PTPN3: variants seen among roughly 807,000 people sequenced by gnomAD.
PTPN3 encodes the protein tyrosine-protein phosphatase non-receptor type 3.
Under a neutral mutation model 132.7 loss-of-function variants are expected in PTPN3, and 96 were observed. That is an observed-to-expected ratio of 0.72 (90% confidence interval 0.61 to 0.86). PTPN3 has a LOEUF of 0.86. Ranked by LOEUF, PTPN3 falls within the 40% of genes least tolerant of loss-of-function variation. The pLI is 0.00. For missense variants in PTPN3, 1,125 were observed against 1,159.6 expected (o/e 0.97, Z 0.43); for synonymous variants, 398 against 429.0 (o/e 0.93, Z 0.89).
Position 109,427,056 on chromosome 9 carries a change from T to C in PTPN3, c.895A>G (p.Lys299Glu). 2 of 1,614,096 alleles carry C rather than the reference T, an allele frequency of 1.2e-6. No homozygotes were observed. The highest frequency in any genetic ancestry group is 1.7e-6 in the Non-Finnish European group (2 of 1,179,932). The part of the protein sequence containing the change: ...LNYRSCKNLW[K>E]SCVEHHTFFQ... ...AACGTATGGTGCTCAACACAGGATT[T>C]CCACAAGTTTTTGCAAGATCGGTAA... The change falls in exon 12 of 26, where the codon AAA becomes GAA. Residue 299 changes from lysine to glutamate, a missense_variant. Transcript: ENST00000374541.
At position 109,376,084 on chromosome 9, in the gene PTPN3, T is replaced by C. The variant is rs1838534643; in HGVS notation, c.*3472A>G. 1 of 152,196 alleles carries C rather than the reference T, an allele frequency of 6.6e-6. No individual in the cohort carries two copies. Among genetic ancestry groups the C allele is most frequent in the Admixed American group, 6.5e-5 (1 of 15,282 alleles). The allele number at this position is 152,196 out of a possible 1,614,324, so 9.4% of individuals were successfully genotyped here. The stretch of plus-strand genomic sequence containing the variant: ...TGACAAGTCTCAGAAATGTGACATG[T>C]CTCTGTAGCAGCCATAAAGCTTTGG... On this transcript the variant is annotated 3_prime_UTR_variant, in exon 26 of 26. Transcript: ENST00000374541.
At chr9:109,406,009 G>A (rs959238276) in intron 18 of PTPN3, among the ~76,000 whole-genome samples, 3 of 152,210 alleles carry the variant, frequency 2.0e-5, no homozygotes, top group Non-Finnish European at 4.4e-5. Context: ...CCAGCCCGCA[G>A]AGGCAGAGTG....
chr9:109,465,204 T>C (rs1846036880), intron 1 of PTPN3, among the ~76,000 whole-genome samples: 1 of 152,134 alleles, frequency 6.6e-6, no homozygotes. Context: ...GGTGGAGAGG[T>C]AGGCAAAAAG....
chr9:109,497,123 T>C (rs1452394921), intron 1 of PTPN3, among the ~76,000 whole-genome samples: 2 of 152,176 alleles, frequency 1.3e-5, no homozygotes, highest in African/African-American at 4.8e-5. Flanking sequence ...TAAATTGTTT[T>C]TCCGAAGGCC....
chr9:109,422,723 G>T lies in PTPN3; in HGVS notation c.1131C>A (p.Pro377=), dbSNP rs1375953813. 3.1e-6 allele frequency: 5 copies of T among 1,606,558 alleles called. No individual in the cohort carries two copies. The highest frequency in any genetic ancestry group is 1.7e-4 in the Middle Eastern group (1 of 6,006). ...AAAAAAAAAGGAGGACATACCAGTT[G>T]GGAGTAATGGGAGGGGAACGAGAAG... is the stretch of plus-strand genomic sequence containing the variant. The part of the protein sequence containing the change: ...SLPSRSPPIT[P]NWRSPRLRHE... The change falls in exon 13 of 26, where the codon CCC becomes CCA. Residue 377 remains proline, a synonymous_variant. Coordinates refer to ENST00000374541, the MANE Select transcript of PTPN3 (RefSeq NM_002829.4).
At chr9:109,422,878 T>C (rs1327484416) in intron 12 of PTPN3, 26 bp from the exon 13 acceptor site, 2 of 1,607,418 alleles carry the variant, frequency 1.2e-6, no homozygotes, top group African/African-American at 2.7e-5. Flanking sequence ...CAGGTTCACT[T>C]TCTACACTGA....
chr9:109,533,778 G>T, the PTPN3 span: 3 of 1,266,830 alleles, frequency 2.4e-6, no homozygotes, highest in Non-Finnish European at 3.3e-6. Context: ...TAGGGCCGGC[G>T]TGGTTGAGCC....
chr9:109,462,299 C>T (rs1845882603), intron 2 of PTPN3, among the ~76,000 whole-genome samples: 2 of 152,258 alleles, frequency 1.3e-5, no homozygotes, highest in Admixed American at 1.3e-4. Flanking sequence ...TGCTAAAACT[C>T]CACGCAAACT....
At chr9:109,502,835 G>A (rs373667404), upstream of PTPN3, among the ~76,000 whole-genome samples, 15 of 152,272 alleles carry the variant, frequency 9.9e-5, no homozygotes, top group East Asian at 1.3e-3. Context: ...GGTCAAAATG[G>A]TTGAACATCG....
chr9:109,386,169 G>T (rs1013637049), intron 22 of PTPN3, among the ~76,000 whole-genome samples: 2 of 152,216 alleles, frequency 1.3e-5, no homozygotes, highest in Non-Finnish European at 2.9e-5. Flanking sequence ...GGAACTTAGG[G>T]ATAAAGGGCT....
At chr9:109,450,779 A>G (rs1260291841) in intron 5 of PTPN3, 3 of 985,342 alleles carry the variant, frequency 3.0e-6, no homozygotes, top group East Asian at 2.3e-4. Flanking sequence ...GGGATGCCTA[A>G]CTTCAGAAAT....
At chr9:109,383,791 A>G (rs1179246822) in intron 22 of PTPN3, among the ~76,000 whole-genome samples, 1 of 152,128 alleles carries the variant, frequency 6.6e-6, no homozygotes, top group African/African-American at 2.4e-5. Context: ...AGGAGGACGC[A>G]GCGTCTTCAT....
At chr9:109,501,547 C>T (rs576475001), upstream of PTPN3, among the ~76,000 whole-genome samples, 1 of 152,266 alleles carries the variant, frequency 6.6e-6, no homozygotes, top group South Asian at 2.1e-4. Flanking sequence ...TAAAGTCTAT[C>T]CTTTTAAGCT....
intron 1 of PTPN3, among the ~76,000 whole-genome samples, chr9:109,465,782 A>G (rs1439279845): frequency 1.3e-5 from 2 of 151,956 alleles, no homozygotes; most frequent in African/African-American, 4.8e-5. Flanking sequence ...CGGTGAAGAT[A>G]TAACTCTGAC....
At chr9:109,445,738 T>C (rs1208305919) in intron 6 of PTPN3, among the ~76,000 whole-genome samples, 2 of 152,244 alleles carry the variant, frequency 1.3e-5, no homozygotes, top group East Asian at 1.9e-4. Flanking sequence ...TAGATTACCC[T>C]CTTTCTAAAA....
intron 14 of PTPN3, chr9:109,417,593 A>G (rs915503589): frequency 5.1e-6 from 5 of 982,362 alleles, no homozygotes; most frequent in Non-Finnish European, 6.0e-6. Context: ...TCTTACCTGG[A>G]GCAATGGGGG....
At chr9:109,515,418 G>T in the PTPN3 span, among the ~76,000 whole-genome samples, 172 of 152,252 alleles carry the variant, frequency 1.1e-3, no homozygotes, top group African/African-American at 4.0e-3. Flanking sequence ...CTGAGCGCAG[G>T]GGGGGTCTTA....
intron 2 of PTPN3, among the ~76,000 whole-genome samples, chr9:109,462,177 T>C (rs75314151): frequency 0.012 from 1,868 of 152,252 alleles, 32 homozygotes; most frequent in African/African-American, 0.043. Context: ...GGCCCAAACT[T>C]CCATGACTTT....
intron 11 of PTPN3, 45 bp downstream of exon 11, chr9:109,428,576 C>A (rs775726122): frequency 6.3e-7 from 1 of 1,587,218 alleles, no homozygotes; most frequent in Non-Finnish European, 8.6e-7. Flanking sequence ...TAACCACACA[C>A]ATACATATGC....
Sources: allele counts gnomAD v4.1 joint callset (sites outside exome capture counted in the v4.1 genomes callset), GRCh38; gene constraint gnomAD v4.1.1; transcripts MANE v1.5; gene names NCBI Gene and HGNC (gene_info 2026-07-23, HGNC 2026-07-21).